Variants in ASAP1 observed in about 807,000 individuals in gnomAD.
ASAP1 encodes the protein arf-GAP with SH3 domain, ANK repeat and PH domain-containing protein 1.
A neutral mutation model predicts 145.2 loss-of-function variants in ASAP1; 43 were observed. That is an observed-to-expected ratio of 0.30 (90% CI 0.23 to 0.38). The LOEUF (loss-of-function observed/expected upper bound fraction) is 0.38. Among genes scored for constraint, ASAP1 ranks in the 10% least tolerant of loss-of-function variants. The pLI is 1.00. For missense variants in ASAP1, 1,018 were observed against 1,355.3 expected, an observed-to-expected ratio of 0.75 and a Z score of 3.91; for synonymous variants, 546 against 515.5, an observed-to-expected ratio of 1.06 and a Z score of -0.80.
intron 4 of ASAP1, among the ~76,000 whole-genome samples, chr8:130,234,360 G>T (rs558396258): frequency 2.6e-5 from 4 of 152,048 alleles, no homozygotes; most frequent in Non-Finnish European, 5.9e-5. Flanking sequence ...TACAAACCTA[G>T]GAGGAGGGCA....
At chr8:130,236,528 G>A (rs371226890) in intron 4 of ASAP1, among the ~76,000 whole-genome samples, 83 of 152,042 alleles carry the variant, frequency 5.5e-4, no homozygotes, top group African/African-American at 1.6e-3. Context: ...CACAACCATC[G>A]CCAATATTGA....
intron 2 of ASAP1, among the ~76,000 whole-genome samples, chr8:130,401,037 C>T (rs929159413): frequency 2.0e-5 from 3 of 151,700 alleles, no homozygotes; most frequent in Non-Finnish European, 4.4e-5. Flanking sequence ...CCTGCCACCA[C>T]ACCCGGCTAA....
At chr8:130,094,031 C>T (rs1165950442) in intron 24 of ASAP1, among the ~76,000 whole-genome samples, 1 of 152,118 alleles carries the variant, frequency 6.6e-6, no homozygotes, top group Non-Finnish European at 1.5e-5. Flanking sequence ...ACAATGGAAG[C>T]CTGATGCTTA....
chr8:130,245,956 C>T (rs2670887), intron 3 of ASAP1, among the ~76,000 whole-genome samples: 134,411 of 152,086 alleles, frequency 0.88, 59,502 homozygotes, highest in East Asian at 0.96. Context: ...CTCTTGGAGG[C>T]TACAGTGGTT....
At chr8:130,351,145 T>C (rs896965079) in intron 3 of ASAP1, among the ~76,000 whole-genome samples, 8 of 152,092 alleles carry the variant, frequency 5.3e-5, no homozygotes, top group South Asian at 2.1e-4. Context: ...AGAAACCAAA[T>C]AGAGGTAAAA....
intron 29 of ASAP1, among the ~76,000 whole-genome samples, chr8:130,056,552 G>A (rs2097404676): frequency 6.6e-6 from 1 of 152,224 alleles, no homozygotes; most frequent in South Asian, 2.1e-4. Flanking sequence ...AAATGTCCCT[G>A]GAGGGCAAAA....
At position 130,094,091 on chromosome 8, in the gene ASAP1, CTATTT is replaced by C. The variant is rs149712860; in HGVS notation, c.2402-1953_2402-1949del. Among the ~76,000 whole-genome samples the C allele has an allele frequency of 4.0e-4, 61 of 152,240 alleles. 2 individuals carry two copies. In the East Asian group the frequency reaches 0.011, roughly 26 times the overall value. On this transcript the variant is annotated intron_variant, in intron 24 of 29. Transcript: ENST00000518721. The stretch of plus-strand genomic sequence containing the variant: ...TGTCAGTCACAGCAGTTTTCAGAAA[CTATTT>C]TATTTTTGTAACAATACAGAGATTG...
chr8:130,107,575 T>G (rs2097539624), intron 24 of ASAP1, among the ~76,000 whole-genome samples: 1 of 149,582 alleles, frequency 6.7e-6, no homozygotes. Context: ...TGAGATAGAG[T>G]CTCATTCTGT....
At chr8:130,427,192 T>C (rs1829951980) in intron 1 of ASAP1, among the ~76,000 whole-genome samples, 1 of 152,016 alleles carries the variant, frequency 6.6e-6, no homozygotes, top group South Asian at 2.1e-4. Flanking sequence ...TGAGAAGCCT[T>C]TACCTGCTTT....
intron 17 of ASAP1, among the ~76,000 whole-genome samples, chr8:130,124,767 T>A (rs754033971): frequency 6.6e-6 from 1 of 152,198 alleles, no homozygotes; most frequent in Non-Finnish European, 1.5e-5. Context: ...TTGGGTTTAT[T>A]GCATGGCAAA....
chr8:130,156,193 G>A (rs566772963), intron 12 of ASAP1, among the ~76,000 whole-genome samples: 8 of 152,160 alleles, frequency 5.3e-5, no homozygotes, highest in Non-Finnish European at 2.9e-5. Context: ...AATTACCAAC[G>A]CAAATAATAC....
intron 3 of ASAP1, among the ~76,000 whole-genome samples, chr8:130,243,628 T>A (rs1334727391): frequency 3.2e-4 from 48 of 152,144 alleles, no homozygotes; most frequent in Non-Finnish European, 5.9e-5. Context: ...CTAACCCCAA[T>A]GAGCTAGTCC....
intron 3 of ASAP1, among the ~76,000 whole-genome samples, chr8:130,256,803 T>C (rs1819597408): frequency 8.0e-6 from 1 of 124,854 alleles, no homozygotes; most frequent in African/African-American, 3.2e-5. Flanking sequence ...ATATAAGCTT[T>C]TATTAAATTA....
At chr8:130,255,826 A>T (rs1034783952) in intron 3 of ASAP1, among the ~76,000 whole-genome samples, 10 of 152,198 alleles carry the variant, frequency 6.6e-5, no homozygotes, top group Non-Finnish European at 1.5e-4. Flanking sequence ...ATGTCACAAA[A>T]ATCTAACTAA....
chr8:130,313,811 G>C (rs1823501729), intron 3 of ASAP1, among the ~76,000 whole-genome samples: 1 of 152,108 alleles, frequency 6.6e-6, no homozygotes, highest in Non-Finnish European at 1.5e-5. Context: ...TATTTTAACA[G>C]TCTTTACTGG....
At chr8:130,280,237 T>G (rs2137173833) in intron 3 of ASAP1, among the ~76,000 whole-genome samples, 1 of 152,324 alleles carries the variant, frequency 6.6e-6, no homozygotes, top group Non-Finnish European at 1.5e-5. Context: ...CTTTTCTACC[T>G]TTACTTCTCA....
intron 4 of ASAP1, among the ~76,000 whole-genome samples, chr8:130,217,953 A>C (rs1448500664): frequency 1.3e-5 from 2 of 152,152 alleles, no homozygotes; most frequent in African/African-American, 4.8e-5. Context: ...CAGCCTTCTA[A>C]TCACCACCAC....
intron 17 of ASAP1, among the ~76,000 whole-genome samples, chr8:130,125,037 C>G (rs1377590841): frequency 6.6e-6 from 1 of 152,162 alleles, no homozygotes; most frequent in Non-Finnish European, 1.5e-5. Flanking sequence ...GCTCAGATGA[C>G]CAGGGCTGCT....
chr8:130,258,694 A>G (rs1819714457), intron 3 of ASAP1, among the ~76,000 whole-genome samples: 1 of 152,230 alleles, frequency 6.6e-6, no homozygotes, highest in Non-Finnish European at 1.5e-5. Flanking sequence ...CTTGGTACAT[A>G]GTAGGTGCTC....
Sources: allele counts gnomAD v4.1 joint callset (sites outside exome capture counted in the v4.1 genomes callset), GRCh38; gene constraint gnomAD v4.1.1; transcripts MANE v1.5; gene names NCBI Gene and HGNC (gene_info 2026-07-23, HGNC 2026-07-21).